The following CYP7B1 variants were observed in gnomAD, a reference collection of about 807,000 sequenced individuals.
CYP7B1 encodes cytochrome P450 7B1.
Under a neutral mutation model 42.7 loss-of-function variants are expected in CYP7B1, and 29 were observed. That is an observed-to-expected ratio of 0.68 (90% CI 0.51 to 0.93). The LOEUF is 0.93. Among genes scored for constraint, CYP7B1 ranks in the 40% least tolerant of loss-of-function variants. The probability of loss-of-function intolerance (pLI) is 0.00; values close to 1 mark genes in which losing one functional copy is unlikely to be tolerated. For synonymous variants in CYP7B1, 235 were observed against 218.2 expected (o/e 1.08, Z -0.68); for missense variants, 655 against 600.5 (o/e 1.09, Z -0.95).
At chr8:64,785,240 C>T (rs541007733) in intron 1 of CYP7B1, among the ~76,000 whole-genome samples, 2 of 152,282 alleles carry the variant, frequency 1.3e-5, no homozygotes, top group African/African-American at 2.4e-5. Flanking sequence ...AAAAGCAAGT[C>T]TCATTCATCG....
At chr8:64,709,854 G>A (rs1807055433) in intron 1 of CYP7B1, among the ~76,000 whole-genome samples, 1 of 152,094 alleles carries the variant, frequency 6.6e-6, no homozygotes, top group African/African-American at 2.4e-5. Context: ...TTTGATTTCT[G>A]TGTTAATTTT....
At chr8:64,723,970 T>C (rs185707033) in intron 1 of CYP7B1, among the ~76,000 whole-genome samples, 3 of 152,170 alleles carry the variant, frequency 2.0e-5, no homozygotes, top group Non-Finnish European at 2.9e-5. Context: ...TTTAAAAAAC[T>C]AACTGGCAAA....
chr8:64,599,232 A>C (rs962948694), intron 5 of CYP7B1, among the ~76,000 whole-genome samples: 6 of 151,786 alleles, frequency 4.0e-5, no homozygotes, highest in Non-Finnish European at 8.8e-5. Context: ...TCTGTCGCCC[A>C]GGTTGGAGTG....
intron 1 of CYP7B1, among the ~76,000 whole-genome samples, chr8:64,772,104 T>C (rs1804244864): frequency 6.6e-6 from 1 of 152,192 alleles, no homozygotes; most frequent in Non-Finnish European, 1.5e-5. Context: ...TTTTACAGAC[T>C]CTCAGCACCA....
At chr8:64,656,377 T>G (rs79702814) in intron 1 of CYP7B1, among the ~76,000 whole-genome samples, 9,979 of 152,292 alleles carry the variant, frequency 0.066, 396 homozygotes, top group South Asian at 0.16. Context: ...GGTCTTTGAC[T>G]TACTGAAGCT....
chr8:64,696,435 C>A, intron 1 of CYP7B1, among the ~76,000 whole-genome samples: 1 of 152,224 alleles, frequency 6.6e-6, no homozygotes. Flanking sequence ...AGCAAAAAAT[C>A]AGATATAAAT....
At position 64,757,052 on chromosome 8, in the gene CYP7B1, G is replaced by A. The variant is rs1563417085; in HGVS notation, c.122+41414C>T. On this transcript the variant is annotated intron_variant, in intron 1 of 5. Transcript: ENST00000310193. ...TGACAAGCCTGAGTCCCAAAAGTGA[G>A]TTCATTTTGTAGAGTCCTAGGGTGA... Among the ~76,000 whole-genome samples, 3 of 152,150 alleles carry A rather than the reference G, an allele frequency of 2.0e-5. 1 individual carries two copies. In the South Asian group the frequency reaches 6.2e-4, roughly 31 times the overall value.
At chr8:64,656,537 AC>A (rs1806123202) in intron 1 of CYP7B1, among the ~76,000 whole-genome samples, 1 of 152,218 alleles carries the variant, frequency 6.6e-6, no homozygotes, top group South Asian at 2.1e-4. Flanking sequence ...CCCATGAAGA[AC>A]AAGCATTGTG....
At chr8:64,610,803 G>A (rs1805352290) in intron 4 of CYP7B1, among the ~76,000 whole-genome samples, 1 of 152,040 alleles carries the variant, frequency 6.6e-6, no homozygotes, top group South Asian at 2.1e-4. Context: ...ATTTTTGTCT[G>A]AGGCGACAGT....
At chr8:64,706,449 CT>C (rs1807000829) in intron 1 of CYP7B1, among the ~76,000 whole-genome samples, 1 of 152,028 alleles carries the variant, frequency 6.6e-6, no homozygotes. Flanking sequence ...TCTCATCTCT[CT>C]TCATTAATCA....
intron 1 of CYP7B1, among the ~76,000 whole-genome samples, chr8:64,764,276 C>T (rs1807939020): frequency 7.4e-6 from 1 of 135,630 alleles, no homozygotes; most frequent in South Asian, 2.7e-4. Context: ...ATCTCCAAGC[C>T]TTGGCTCCTT....
chr8:64,647,848 C>T (rs939458733), intron 1 of CYP7B1, among the ~76,000 whole-genome samples: 1 of 152,168 alleles, frequency 6.6e-6, no homozygotes, highest in African/African-American at 2.4e-5. Flanking sequence ...CTTACAGACA[C>T]ACCCAGAAAT....
rs569948816 is a variant in CYP7B1, at chr8:64,685,168, G to C, written c.123-60629C>G. ...AGTCTTTGCCGCCCCGCCGGCGAGCGCCGCCCGGGAGGCAGCGGCTGGAGG... is the reference window on the plus strand; with the variant it reads ...AGTCTTTGCCGCCCCGCCGGCGAGCCCCGCCCGGGAGGCAGCGGCTGGAGG... On this transcript the variant is annotated intron_variant, in intron 1 of 5. Coordinates refer to ENST00000310193, the MANE Select transcript of CYP7B1 (RefSeq NM_004820.5). 2.0e-3 allele frequency among the ~76,000 whole-genome samples: 305 copies of C among 152,062 alleles called. 2 individuals are homozygous for C. The highest frequency in any genetic ancestry group is 2.2e-3 in the Non-Finnish European group (149 of 67,938).
At chr8:64,780,164 A>G (rs77817716) in intron 1 of CYP7B1, among the ~76,000 whole-genome samples, 80 of 152,242 alleles carry the variant, frequency 5.3e-4, no homozygotes, top group Admixed American at 5.9e-4. Flanking sequence ...GTTTTATGAC[A>G]TTAGGTTTCA....
chr8:64,632,576 G>C (rs1451093370), intron 1 of CYP7B1, among the ~76,000 whole-genome samples: 12 of 151,144 alleles, frequency 7.9e-5, no homozygotes, highest in Non-Finnish European at 1.3e-4. Flanking sequence ...CATGTTAAGT[G>C]TTCCTACCAC....
intron 1 of CYP7B1, among the ~76,000 whole-genome samples, chr8:64,721,788 T>C (rs975654083): frequency 6.6e-6 from 1 of 152,122 alleles, no homozygotes; most frequent in South Asian, 2.1e-4. Context: ...TTATGATAGA[T>C]AGCAAGATAC....
intron 1 of CYP7B1, among the ~76,000 whole-genome samples, chr8:64,673,756 A>G (rs1372251612): frequency 6.6e-6 from 1 of 152,238 alleles, no homozygotes; most frequent in East Asian, 1.9e-4. Flanking sequence ...CAGGTCCTTG[A>G]TTAAAAATCT....
At chr8:64,716,654 C>T (rs1410029711) in intron 1 of CYP7B1, among the ~76,000 whole-genome samples, 1 of 152,080 alleles carries the variant, frequency 6.6e-6, no homozygotes, top group Non-Finnish European at 1.5e-5. Flanking sequence ...TTGCAGTGAG[C>T]CAAGATCACG....
At chr8:64,760,220 T>C (rs1174291427) in intron 1 of CYP7B1, among the ~76,000 whole-genome samples, 1 of 152,080 alleles carries the variant, frequency 6.6e-6, no homozygotes, top group Non-Finnish European at 1.5e-5. Context: ...AGCCTTATCT[T>C]ACACCATACA....
Sources: allele counts gnomAD v4.1 joint callset (sites outside exome capture counted in the v4.1 genomes callset), GRCh38; gene constraint gnomAD v4.1.1; transcripts MANE v1.5; gene names NCBI Gene and HGNC (gene_info 2026-07-23, HGNC 2026-07-21).